The following NALF1 variants were observed in gnomAD, a reference collection of about 807,000 sequenced individuals.
The protein encoded by NALF1 is family with sequence similarity 155 member A.
NALF1 carries 3 observed loss-of-function variants against 48.4 expected under a neutral mutation model. The ratio of observed to expected loss-of-function variants is 0.06; its 90% CI spans 0.03 to 0.16. The LOEUF is 0.16. Ranked by LOEUF, NALF1 falls within the 10% of genes least tolerant of loss-of-function variation. The pLI, the probability that NALF1 is intolerant of heterozygous loss-of-function variation, is 1.00. For synonymous variants in NALF1, 262 were observed against 245.7 expected (o/e 1.07, Z -0.62); for missense variants, 526 against 571.5 (o/e 0.92, Z 0.81).
chr13:107,737,855 A>G (rs1876511808), intron 1 of NALF1, among the ~76,000 whole-genome samples: 3 of 152,192 alleles, frequency 2.0e-5, no homozygotes, highest in African/African-American at 7.2e-5. Context: ...TTTATAATAT[A>G]GAGTCAGAAT....
At chr13:107,254,062 A>AATAT (rs752603846) in intron 1 of NALF1, among the ~76,000 whole-genome samples, 5 of 138,582 alleles carry the variant, frequency 3.6e-5, no homozygotes, top group Admixed American at 7.6e-5. Flanking sequence ...CAAGTACTAA[A>AATAT]ATATATATAT....
chr13:107,376,765 T>C (rs1336833824), intron 1 of NALF1, among the ~76,000 whole-genome samples: 2 of 152,152 alleles, frequency 1.3e-5, no homozygotes, highest in African/African-American at 2.4e-5. Context: ...CCCACACATA[T>C]CCTAGTGAAA....
At chr13:107,279,209 G>A (rs1358417729) in intron 1 of NALF1, among the ~76,000 whole-genome samples, 1 of 151,890 alleles carries the variant, frequency 6.6e-6, no homozygotes, top group African/African-American at 2.4e-5. Flanking sequence ...GGACATGGAG[G>A]AAGAAATTGC....
At chr13:107,334,239 G>C (rs1405442766) in intron 1 of NALF1, among the ~76,000 whole-genome samples, 2 of 152,122 alleles carry the variant, frequency 1.3e-5, no homozygotes, top group African/African-American at 2.4e-5. Flanking sequence ...TTAACCTGGG[G>C]TGCTCTTCCT....
At chr13:107,354,579 T>G (rs1264263031) in intron 1 of NALF1, among the ~76,000 whole-genome samples, 3 of 152,078 alleles carry the variant, frequency 2.0e-5, no homozygotes, top group Non-Finnish European at 4.4e-5. Context: ...GAACAATAGG[T>G]ATTACAATTC....
At chr13:107,723,160 G>A (rs1175722238) in intron 1 of NALF1, among the ~76,000 whole-genome samples, 2 of 152,100 alleles carry the variant, frequency 1.3e-5, no homozygotes, top group Non-Finnish European at 2.9e-5. Flanking sequence ...CTGAGCATGC[G>A]ATTCCTGGGA....
chr13:107,802,452 T>C (rs1300669151), intron 1 of NALF1, among the ~76,000 whole-genome samples: 2 of 152,190 alleles, frequency 1.3e-5, no homozygotes, highest in African/African-American at 4.8e-5. Context: ...TATGGCCTTC[T>C]AAACATTGTG....
At chr13:107,526,814 T>C (rs977718638) in intron 1 of NALF1, among the ~76,000 whole-genome samples, 2 of 152,148 alleles carry the variant, frequency 1.3e-5, no homozygotes, top group African/African-American at 4.8e-5. Context: ...GAAGATCCTT[T>C]ATGATTAAGA....
intron 2 of NALF1, among the ~76,000 whole-genome samples, chr13:107,180,162 A>T (rs537387323): frequency 1.3e-5 from 2 of 151,816 alleles, no homozygotes; most frequent in Non-Finnish European, 2.9e-5. Context: ...AATTTAAAGA[A>T]CATCTATTTT....
chr13:107,601,344 T>C (rs1272912300), intron 1 of NALF1, among the ~76,000 whole-genome samples: 1 of 152,170 alleles, frequency 6.6e-6, no homozygotes, highest in Non-Finnish European at 1.5e-5. Flanking sequence ...ATCTTGTAGA[T>C]TATTTTACTC....
At chr13:107,552,141 T>C (rs1195129345) in intron 1 of NALF1, among the ~76,000 whole-genome samples, 2 of 152,182 alleles carry the variant, frequency 1.3e-5, no homozygotes, top group African/African-American at 4.8e-5. Flanking sequence ...CTGCATTATA[T>C]GAGTTAGAAA....
At chr13:107,796,925 C>G (rs1349615879) in intron 1 of NALF1, among the ~76,000 whole-genome samples, 1 of 152,110 alleles carries the variant, frequency 6.6e-6, no homozygotes, top group African/African-American at 2.4e-5. Context: ...TTACACGTGC[C>G]CAATACTTCT....
intron 1 of NALF1, among the ~76,000 whole-genome samples, chr13:107,782,937 C>T (rs562616789): frequency 2.0e-5 from 3 of 146,788 alleles, no homozygotes; most frequent in African/African-American, 7.5e-5. Flanking sequence ...TCACCCCCCG[C>T]CCGGCCAGCC....
At chr13:107,722,967 G>T (rs905336251) in intron 1 of NALF1, among the ~76,000 whole-genome samples, 2 of 152,124 alleles carry the variant, frequency 1.3e-5, no homozygotes, top group African/African-American at 4.8e-5. Flanking sequence ...ACACAATTCA[G>T]AATTAGAAAA....
chr13:107,385,786 C>T (rs1016632535), intron 1 of NALF1, among the ~76,000 whole-genome samples: 3 of 152,144 alleles, frequency 2.0e-5, no homozygotes, highest in African/African-American at 7.2e-5. Flanking sequence ...GATATTTCTA[C>T]ATTTTTGTCC....
chr13:107,365,323 CT>C (rs1244831192), intron 1 of NALF1, among the ~76,000 whole-genome samples: 1 of 151,932 alleles, frequency 6.6e-6, no homozygotes, highest in African/African-American at 2.4e-5. Flanking sequence ...TGGTCTCCTG[CT>C]TAATTAATTT....
intron 2 of NALF1, among the ~76,000 whole-genome samples, chr13:107,188,079 C>T (rs1879213835): frequency 6.6e-6 from 1 of 152,020 alleles, no homozygotes; most frequent in East Asian, 1.9e-4. Flanking sequence ...TCTGCCACAT[C>T]CATAACTTAA....
chr13:107,860,605 A>G (rs1054297606), intron 1 of NALF1, among the ~76,000 whole-genome samples: 1 of 152,214 alleles, frequency 6.6e-6, no homozygotes, highest in African/African-American at 2.4e-5. Context: ...AGTATATGTT[A>G]ACTGAAAAAA....
At chr13:107,718,530 G>T (rs1349182009) in intron 1 of NALF1, among the ~76,000 whole-genome samples, 1 of 152,154 alleles carries the variant, frequency 6.6e-6, no homozygotes, top group East Asian at 1.9e-4. Context: ...AAAAATAATA[G>T]GTGGATTTTG....
Sources: gnomAD v4.1 joint callset for allele counts (sites outside exome capture counted in the v4.1 genomes callset) on GRCh38, gnomAD v4.1.1 for gene constraint, MANE v1.5 for transcripts, NCBI Gene and HGNC (gene_info 2026-07-23, HGNC 2026-07-21) for gene names.